IGBP1C: variants seen among roughly 807,000 people sequenced by gnomAD.
IGBP1C encodes the protein IGBP1 family member C.
At chr17:58,676,239 G>A in the IGBP1C span, among the ~76,000 whole-genome samples, 1 of 152,152 alleles carries the variant, frequency 6.6e-6, no homozygotes, top group African/African-American at 2.4e-5. Context: ...AGCCAGGCGT[G>A]GTGGCAGGTG....
At chr17:58,671,671 T>C in the IGBP1C span, among the ~76,000 whole-genome samples, 3 of 152,206 alleles carry the variant, frequency 2.0e-5, no homozygotes, top group African/African-American at 7.2e-5. Flanking sequence ...CTTTCCTTTC[T>C]GGATTTGTTT....
At chr17:58,670,773 A>ATC in the IGBP1C span, among the ~76,000 whole-genome samples, 1 of 70,054 alleles carries the variant, frequency 1.4e-5, no homozygotes, top group Non-Finnish European at 2.8e-5. Context: ...ACTCCCTCTT[A>ATC]AAAAAAAAAA....
chr17:58,668,819 C>T, the IGBP1C span, among the ~76,000 whole-genome samples: 2 of 152,150 alleles, frequency 1.3e-5, no homozygotes, highest in African/African-American at 4.8e-5. Context: ...TCTAGTCACC[C>T]ACCCTAACAT....
At chr17:58,683,666 G>A in the IGBP1C span, among the ~76,000 whole-genome samples, 3 of 152,072 alleles carry the variant, frequency 2.0e-5, no homozygotes, top group South Asian at 6.2e-4. Context: ...GGGAGGCTGA[G>A]GCAGGAGAAT....
the IGBP1C span, chr17:58,660,836 T>C: frequency 1.3e-6 from 1 of 786,356 alleles, no homozygotes; most frequent in Non-Finnish European, 2.4e-6. Flanking sequence ...GCCAAATACT[T>C]TGGCTTGCGC....
chr17:58,688,994 G>C, the IGBP1C span, among the ~76,000 whole-genome samples: 1 of 151,998 alleles, frequency 6.6e-6, no homozygotes, highest in Non-Finnish European at 1.5e-5. Flanking sequence ...GCAGTGGCAT[G>C]ATCTTGGCTC....
chr17:58,683,052 C>CAAAAAAAAAAA, the IGBP1C span, among the ~76,000 whole-genome samples: 6 of 54,036 alleles, frequency 1.1e-4, no homozygotes, highest in African/African-American at 2.0e-4. Context: ...GAGTCTGTCT[C>CAAAAAAAAAAA]AAAAAAAAAA....
chr17:58,662,225 C>G, the IGBP1C span, among the ~76,000 whole-genome samples: 5 of 150,748 alleles, frequency 3.3e-5, no homozygotes, highest in African/African-American at 9.7e-5. Context: ...CCGAGGTGGG[C>G]GGACTAGGAG....
chr17:58,674,265 G>C, the IGBP1C span, among the ~76,000 whole-genome samples: 6 of 149,188 alleles, frequency 4.0e-5, no homozygotes, highest in Admixed American at 4.0e-4. Flanking sequence ...GACAGAGCAA[G>C]ACTCTGTCTC....
At chr17:58,679,295 A>C in the IGBP1C span, among the ~76,000 whole-genome samples, 1 of 152,256 alleles carries the variant, frequency 6.6e-6, no homozygotes, top group Non-Finnish European at 1.5e-5. Context: ...ACACTCCCTT[A>C]GAGCCGCCAA....
the IGBP1C span, among the ~76,000 whole-genome samples, chr17:58,666,243 G>A: frequency 2.0e-5 from 3 of 151,698 alleles, no homozygotes; most frequent in Admixed American, 1.3e-4. Context: ...AGTTTCTAGG[G>A]AAGCTGAGAC....
the IGBP1C span, among the ~76,000 whole-genome samples, chr17:58,667,243 G>A: frequency 6.6e-6 from 1 of 152,158 alleles, no homozygotes; most frequent in Non-Finnish European, 1.5e-5. Context: ...CAGAGTGGAG[G>A]GTTTTGGAAT....
the IGBP1C span, among the ~76,000 whole-genome samples, chr17:58,678,882 C>T: frequency 5.3e-5 from 8 of 149,992 alleles, no homozygotes; most frequent in African/African-American, 1.5e-4. Context: ...AGCCAGGCGC[C>T]GTGGCTCACA....
chr17:58,684,692 C>T, the IGBP1C span, among the ~76,000 whole-genome samples: 1 of 151,794 alleles, frequency 6.6e-6, no homozygotes, highest in African/African-American at 2.4e-5. Context: ...AAGCTTTCTT[C>T]CTCCTACCAC....
chr17:58,689,515 G>A, the IGBP1C span, among the ~76,000 whole-genome samples: 1 of 152,058 alleles, frequency 6.6e-6, no homozygotes, highest in Non-Finnish European at 1.5e-5. Flanking sequence ...CACCGTGCCC[G>A]GCCTACCCCA....
At chr17:58,691,449 A>G in the IGBP1C span, among the ~76,000 whole-genome samples, 2 of 151,842 alleles carry the variant, frequency 1.3e-5, no homozygotes, top group Non-Finnish European at 2.9e-5. Context: ...CAGGCGGATC[A>G]CGAGGTCAGG....
At chr17:58,660,813 T>G in the IGBP1C span, 1 of 782,456 alleles carries the variant, frequency 1.3e-6, no homozygotes, top group Non-Finnish European at 2.4e-6. Context: ...GAAGCCAGAC[T>G]TGGATAGCCA....
At chr17:58,661,176 T>C in the IGBP1C span, 4 of 805,718 alleles carry the variant, frequency 5.0e-6, no homozygotes, top group East Asian at 2.4e-5. Context: ...GTGGAGGTAA[T>C]AGCACCGTGA....
chr17:58,661,453 G>T, the IGBP1C span: 1 of 788,434 alleles, frequency 1.3e-6, no homozygotes, highest in Non-Finnish European at 2.4e-6. Context: ...TGTCAAGGAG[G>T]TCGAGGCCCT....
Sources: allele counts gnomAD v4.1 joint callset (sites outside exome capture counted in the v4.1 genomes callset), GRCh38; gene constraint gnomAD v4.1.1; transcripts MANE v1.5; gene names NCBI Gene and HGNC (gene_info 2026-07-23, HGNC 2026-07-21).